Variants in ZC3H13 observed in about 807,000 individuals in gnomAD.
ZC3H13 encodes zinc finger CCCH-type containing 13, also known as zinc finger CCCH domain-containing protein 13.
ZC3H13 carries 64 observed loss-of-function variants against 204.1 expected under a neutral mutation model. That is an observed-to-expected ratio of 0.31 (90% CI 0.26 to 0.39). The LOEUF (loss-of-function observed/expected upper bound fraction) is 0.39, where lower values mean the gene tolerates loss of function less well. Among genes scored for constraint, ZC3H13 ranks in the 10% least tolerant of loss-of-function variants. ZC3H13 has a pLI of 1.00. For missense variants in ZC3H13, 1,833 were observed against 2,082.7 expected (o/e 0.88, Z 2.33); for synonymous variants, 667 against 693.7 (o/e 0.96, Z 0.60).
chr13:45,972,053 G>A (rs1184919548), intron 12 of ZC3H13, among the ~76,000 whole-genome samples: 2 of 152,094 alleles, frequency 1.3e-5, no homozygotes, highest in South Asian at 2.1e-4. Context: ...ACTGCTGGTG[G>A]GTATGTAAAT....
At chr13:46,052,207 A>C (rs1301196184) in intron 1 of ZC3H13, among the ~76,000 whole-genome samples, 197 bp downstream of exon 1, 1 of 151,924 alleles carries the variant, frequency 6.6e-6, no homozygotes, top group Non-Finnish European at 1.5e-5. Context: ...CCCTTAGACA[A>C]ATGCCAGAAT....
At chr13:45,965,893 T>TACAA (rs1952039835) in intron 15 of ZC3H13, among the ~76,000 whole-genome samples, 1 of 152,180 alleles carries the variant, frequency 6.6e-6, no homozygotes, top group Non-Finnish European at 1.5e-5. Flanking sequence ...AAATCTTAGT[T>TACAA]CATATTATTT....
chr13:46,040,506 C>T (rs1279238084), intron 4 of ZC3H13, among the ~76,000 whole-genome samples: 1 of 151,956 alleles, frequency 6.6e-6, no homozygotes, highest in Admixed American at 6.6e-5. Context: ...ACAACATAGA[C>T]GTAAATCTTT....
At chr13:46,019,140 T>C (rs1207252153) in intron 5 of ZC3H13, among the ~76,000 whole-genome samples, 1 of 152,180 alleles carries the variant, frequency 6.6e-6, no homozygotes, top group Admixed American at 6.6e-5. Context: ...CTTTAAGTAC[T>C]GATGTAACAA....
chr13:46,017,458 T>C (rs944587322), intron 5 of ZC3H13, among the ~76,000 whole-genome samples: 2 of 151,954 alleles, frequency 1.3e-5, no homozygotes, highest in Non-Finnish European at 2.9e-5. Context: ...TAAAACAATT[T>C]GCAAAATGAT....
chr13:46,009,926 T>G (rs2041425825), intron 7 of ZC3H13, among the ~76,000 whole-genome samples: 1 of 152,140 alleles, frequency 6.6e-6, no homozygotes, highest in African/African-American at 2.4e-5. Context: ...TAAGGTTATA[T>G]GTATCAATAT....
chr13:45,999,480 A>G (rs750991047), intron 8 of ZC3H13, among the ~76,000 whole-genome samples: 5 of 152,224 alleles, frequency 3.3e-5, no homozygotes, highest in Admixed American at 6.5e-5. Context: ...TTGTTCATCC[A>G]TATGATGCAA....
At chr13:46,020,637 T>A in intron 4 of ZC3H13, 80 bp from the exon 5 acceptor site, 1 of 896,782 alleles carries the variant, frequency 1.1e-6, no homozygotes, top group Non-Finnish European at 1.7e-6. Flanking sequence ...GAGAACATTT[T>A]AATTTCATTC....
rs761272598 is a variant in ZC3H13 at position 45,975,672 on chromosome 13, CCT to C, written c.2077_2078del (p.Arg693GlyfsTer3). 2.5e-6 allele frequency: 4 copies of C among 1,609,822 alleles called. No homozygotes were observed. Among genetic ancestry groups the C allele is most frequent in the South Asian group, 1.1e-5 (1 of 90,608 alleles). On this transcript the variant is annotated frameshift_variant, in exon 12 of 19. Transcript: ENST00000679008. LOFTEE classifies it high-confidence loss of function. ...RERDRERERE[R>X]ERERDREREK... is the part of the protein sequence containing the mutation. ...CTCTTTCCCGATCCCGTTCACGTTC[CCT>C]CTCTCTCTCCCGCTCCCTGTCTCGT...
At chr13:46,023,428 T>A (rs2138856994) in intron 4 of ZC3H13, among the ~76,000 whole-genome samples, 1 of 152,258 alleles carries the variant, frequency 6.6e-6, no homozygotes, top group Admixed American at 6.5e-5. Context: ...GCAAAACAAA[T>A]CTAATACTTC....
chr13:45,963,908 A>G lies in ZC3H13; in HGVS notation c.4609T>C (p.Leu1537=), dbSNP rs368234919. Residue 1537 remains leucine, a synonymous_variant, in exon 17 of 19, where the codon TTG becomes CTG. Transcript: ENST00000679008. ...TTGGCAAAGAGTTCAGAACCTGCCA[A>G]CTTTTTAGAAATCCCAACTCTTAGC... ...VMLRVGISKK[L]AGSELFAKVK... is the part of the protein sequence containing the mutation. The G allele has an allele frequency of 9.0e-5, 145 of 1,614,018 alleles. 2 individuals carry two copies. The Admixed American group carries it at 2.2e-3, about 25-fold the overall frequency.
chr13:45,989,599 A>C, intron 8 of ZC3H13, among the ~76,000 whole-genome samples: 1 of 152,236 alleles, frequency 6.6e-6, no homozygotes, highest in Non-Finnish European at 1.5e-5. Flanking sequence ...AGGACTATGA[A>C]AGAATCCTAG....
chr13:45,977,828 A>C (rs1051229978), intron 11 of ZC3H13, among the ~76,000 whole-genome samples: 2 of 152,102 alleles, frequency 1.3e-5, no homozygotes, highest in Non-Finnish European at 2.9e-5. Flanking sequence ...AACTGTTTAA[A>C]AGTAGTTATC....
rs1951914999 is a variant in ZC3H13 at position 45,964,390 on chromosome 13, C to T, written c.4475-348G>A. ...ACCAGAATCCTTTTAAGGGTTAAAT[C>T]TAGGAGTACATGTGTTTGCAGTGTG... On this transcript the variant is annotated intron_variant, in intron 16 of 18. Transcript: ENST00000679008. 2.6e-5 allele frequency among the ~76,000 whole-genome samples: 4 copies of T among 152,156 alleles called. No homozygotes were observed. The South Asian group carries it at 8.3e-4, about 31-fold the overall frequency.
intron 3 of ZC3H13, 33 bp downstream of exon 3, chr13:46,044,922 T>C (rs376086670): frequency 2.2e-4 from 323 of 1,487,742 alleles, no homozygotes; most frequent in South Asian, 4.8e-4. Flanking sequence ...CATCTTCTAA[T>C]AGTACATGAA....
intron 4 of ZC3H13, among the ~76,000 whole-genome samples, chr13:46,035,125 T>G (rs548471535): frequency 1.8e-3 from 268 of 152,262 alleles, no homozygotes; most frequent in African/African-American, 6.3e-3. Context: ...ATACTAACCC[T>G]TGGAATTCAG....
intron 10 of ZC3H13, among the ~76,000 whole-genome samples, 162 bp from the exon 11 acceptor site, chr13:45,980,166 C>T (rs1302665430): frequency 6.6e-6 from 1 of 152,022 alleles, no homozygotes; most frequent in East Asian, 1.9e-4. Flanking sequence ...ATCAGAACAA[C>T]CAAGGTGTCC....
At chr13:46,047,699 CAAT>C (rs2044071359) in intron 1 of ZC3H13, among the ~76,000 whole-genome samples, 1 of 139,196 alleles carries the variant, frequency 7.2e-6, no homozygotes, top group African/African-American at 2.5e-5. Flanking sequence ...AAGCATGATT[CAAT>C]AATAAGTAAA....
chr13:46,029,618 C>T (rs933967294), intron 4 of ZC3H13, among the ~76,000 whole-genome samples: 20 of 151,552 alleles, frequency 1.3e-4, no homozygotes, highest in East Asian at 5.8e-4. Flanking sequence ...TTAGTAGAGA[C>T]GGGGTTTCAC....
Sources: gnomAD v4.1 joint callset for allele counts (sites outside exome capture counted in the v4.1 genomes callset) on GRCh38, gnomAD v4.1.1 for gene constraint, MANE v1.5 for transcripts, NCBI Gene and HGNC (gene_info 2026-07-23, HGNC 2026-07-21) for gene names.